Variants in HUWE1 observed in about 807,000 individuals in gnomAD.
The protein encoded by HUWE1 is HECT, UBA and WWE domain containing E3 ubiquitin protein ligase 1.
A neutral mutation model predicts 299.4 loss-of-function variants in HUWE1; 18 were observed. The ratio of observed to expected loss-of-function variants is 0.06; its 90% confidence interval spans 0.04 to 0.09. The LOEUF is 0.09. HUWE1 is among the 10% of genes least tolerant of loss of function. HUWE1 has a pLI of 1.00. For synonymous variants in HUWE1, 1,317 were observed against 1,286.1 expected (o/e 1.02, Z -0.51); for missense variants, 1,832 against 3,462.3 (o/e 0.53, Z 11.82).
At chrX:53,587,046 C>G (rs1253215065) in intron 37 of HUWE1, 137 bp from the exon 38 acceptor site, 19 of 694,958 alleles carry the variant, frequency 2.7e-5, no homozygotes, top group Non-Finnish European at 4.2e-5. Context: ...TTACCTCTTA[C>G]CATTTACCAG....
At chrX:53,559,134 CA>C in intron 57 of HUWE1, 74 bp from the exon 58 acceptor site, 1 of 880,248 alleles carries the variant, frequency 1.1e-6, no homozygotes, top group Non-Finnish European at 1.6e-6. Flanking sequence ...CCAAAAATTG[CA>C]GTATTTCCCT....
intron 73 of HUWE1, 29 bp from the exon 74 acceptor site, chrX:53,542,568 A>G: frequency 1.0e-6 from 1 of 992,313 alleles, no homozygotes; most frequent in East Asian, 3.0e-5. Context: ...AAAATCACAT[A>G]AGGGTGCAAC....
intron 7 of HUWE1, among the ~76,000 whole-genome samples, chrX:53,643,358 T>C (rs2067742109): frequency 9.0e-6 from 1 of 110,735 alleles, no homozygotes; most frequent in Non-Finnish European, 1.9e-5. Flanking sequence ...TCATTTTCTT[T>C]TTTTTTTTGA....
In HUWE1 at chrX:53,592,504, T is replaced by C. The variant is rs2064218983; in HGVS notation, c.3866A>G (p.Glu1289Gly). The C allele has an allele frequency of 8.3e-7, 1 of 1,208,522 alleles. No homozygotes were observed. Among genetic ancestry groups the C allele is most frequent in the African/African-American group, 1.8e-5 (1 of 56,827 alleles). ...HILRGEPVIR[E>G]RLSKEKEGSR... ...CCCCTCCTTCTCCTTGCTTAGTCTC[T>C]CTCGAATCACAGGTTCTCCTCGGAG... The change falls in exon 33 of 84, where the codon GAG becomes GGG. Residue 1289 changes from glutamate to glycine, a missense_variant. By Grantham distance (98) the Glu-to-Gly change is moderately conservative (BLOSUM62 -2). This residue lies in a region of HUWE1 where 658 missense variants were observed against 1,282.6 expected (regional missense o/e 0.51). Coordinates refer to ENST00000262854, the MANE Select transcript of HUWE1 (RefSeq NM_031407.7).
At chrX:53,596,652 T>A (rs1417943602) in intron 29 of HUWE1, among the ~76,000 whole-genome samples, 1 of 111,991 alleles carries the variant, frequency 8.9e-6, no homozygotes, top group Non-Finnish European at 1.9e-5. Flanking sequence ...GAACAGTTCA[T>A]CTCTCCAGTA....
At chrX:53,586,134 G>C (rs1437777511) in intron 39 of HUWE1, among the ~76,000 whole-genome samples, 1 of 112,276 alleles carries the variant, frequency 8.9e-6, no homozygotes, top group African/African-American at 3.2e-5. Flanking sequence ...TTCCCTAAAA[G>C]GGGAATGTTC....
intron 12 of HUWE1, 102 bp from the exon 13 acceptor site, chrX:53,629,718 T>C: frequency 1.9e-6 from 1 of 516,103 alleles, no homozygotes; most frequent in South Asian, 2.8e-5. Flanking sequence ...AAGAATTCCA[T>C]TCCCAACCAG....
chrX:53,558,234 T>A lies in HUWE1; in HGVS notation c.8160+421A>T, dbSNP rs782158359. Among the ~76,000 whole-genome samples, 14 of 111,998 alleles carry A rather than the reference T, an allele frequency of 1.3e-4. No homozygotes were observed. The South Asian group carries it at 4.6e-3, about 36-fold the overall frequency. ...CAGAGTACAAACATTTTCTCTGATC[T>A]GACACCTAGGCTGATCTTACTCAAA... On this transcript the variant is annotated intron_variant, in intron 59 of 83. Coordinates refer to ENST00000262854, the MANE Select transcript of HUWE1 (RefSeq NM_031407.7).
At chrX:53,610,081 C>T (rs2065364314) in intron 23 of HUWE1, among the ~76,000 whole-genome samples, 1 of 111,089 alleles carries the variant, frequency 9.0e-6, no homozygotes. Flanking sequence ...ATGAGAAGAC[C>T]ACAAACCTTT....
chrX:53,623,144 C>T (rs2066253846), intron 19 of HUWE1, among the ~76,000 whole-genome samples: 1 of 111,320 alleles, frequency 9.0e-6, no homozygotes, highest in East Asian at 2.8e-4. Flanking sequence ...TCACCTGCTC[C>T]TCACCACTAT....
intron 7 of HUWE1, among the ~76,000 whole-genome samples, chrX:53,638,651 T>C (rs1557028158): frequency 2.7e-5 from 3 of 112,329 alleles, no homozygotes; most frequent in African/African-American, 6.5e-5. Flanking sequence ...TAATATTACC[T>C]GGGAACTTTA....
chrX:53,674,517 G>T (rs782466695), intron 3 of HUWE1, among the ~76,000 whole-genome samples: 7 of 112,341 alleles, frequency 6.2e-5, no homozygotes, highest in African/African-American at 2.3e-4. Flanking sequence ...GTCTTGTGAA[G>T]AAATGAAACA....
At chrX:53,661,127 C>T (rs1729319781) in intron 3 of HUWE1, among the ~76,000 whole-genome samples, 1 of 107,848 alleles carries the variant, frequency 9.3e-6, no homozygotes, top group Non-Finnish European at 1.9e-5. Flanking sequence ...CTCCGCCTCC[C>T]GGGTTCACGC....
chrX:53,599,458 G>A (rs1474902847), intron 29 of HUWE1, among the ~76,000 whole-genome samples: 5 of 111,053 alleles, frequency 4.5e-5, no homozygotes, highest in Non-Finnish European at 7.5e-5. Flanking sequence ...GACAATTTAC[G>A]AACACACAAA....
At chrX:53,645,889 G>A (rs1321888847) in intron 6 of HUWE1, among the ~76,000 whole-genome samples, 1 of 106,881 alleles carries the variant, frequency 9.4e-6, no homozygotes, top group Non-Finnish European at 1.9e-5. Flanking sequence ...AAATTGCGCA[G>A]GTTTTCCCAC....
Position 53,532,647 on chromosome X carries a change from G to T in HUWE1, c.*662C>A, listed in dbSNP as rs893252348. 1.3e-4 allele frequency: 14 copies of T among 110,583 alleles called. No homozygotes were observed. The highest frequency in any genetic ancestry group is 4.6e-4 in the African/African-American group (14 of 30,420). 9.1% of individuals were successfully genotyped at this position (110,583 alleles called of 1,213,427 possible). ...GAAACTGACTCTGAAGGAGGAAGTTGCACCAGTGGTGGAGGCAGGTGGGCA... is the reference window on the plus strand; with the variant it reads ...GAAACTGACTCTGAAGGAGGAAGTTTCACCAGTGGTGGAGGCAGGTGGGCA... On this transcript the variant is annotated 3_prime_UTR_variant, in exon 84 of 84. Transcript: ENST00000262854.
chrX:53,620,883 C>A (rs1557011843), intron 19 of HUWE1, among the ~76,000 whole-genome samples: 1 of 111,058 alleles, frequency 9.0e-6, no homozygotes, highest in Non-Finnish European at 1.9e-5. Context: ...ATTGAGGGCC[C>A]TCACCCTCTA....
At chrX:53,626,922 G>A (rs782026441) in intron 17 of HUWE1, among the ~76,000 whole-genome samples, 5 of 111,033 alleles carry the variant, frequency 4.5e-5, no homozygotes, top group South Asian at 3.8e-4. Context: ...CCAGCCTAAC[G>A]GATGTTGTTG....
intron 3 of HUWE1, among the ~76,000 whole-genome samples, chrX:53,670,720 G>A (rs1173576904): frequency 8.9e-6 from 1 of 111,812 alleles, no homozygotes; most frequent in Non-Finnish European, 1.9e-5. Flanking sequence ...GTAAGAAGCC[G>A]GGGCCTGGAC....
Sources: allele counts gnomAD v4.1 joint callset (sites outside exome capture counted in the v4.1 genomes callset), GRCh38; gene constraint gnomAD v4.1.1; regional missense constraint gnomAD v4.1.1; transcripts MANE v1.5; gene names NCBI Gene and HGNC (gene_info 2026-07-23, HGNC 2026-07-21).